CDH23: variants seen among roughly 807,000 people sequenced by gnomAD.
CDH23 encodes the protein cadherin related 23.
A neutral mutation model predicts 317.1 loss-of-function variants in CDH23; 189 were observed. The observed-to-expected ratio is 0.60, with a 90% CI of 0.53 to 0.67. The LOEUF (loss-of-function observed/expected upper bound fraction) is 0.67, where lower values mean the gene tolerates loss of function less well. Ranked by LOEUF, CDH23 falls within the 30% of genes least tolerant of loss-of-function variation. The pLI is 0.00. For missense variants in CDH23, 4,401 were observed against 4,592.4 expected (o/e 0.96, Z 1.20); for synonymous variants, 1,839 against 1,876.8 (o/e 0.98, Z 0.52).
rs1455450564 is a variant in CDH23, at chr10:71,730,495, C to T, written c.3606C>T (p.Asn1202=). The part of the protein sequence containing the change: ...VRVIVYVEDI[N]DEAPVFTQQQ... ...TGATTGTGTACGTGGAGGACATCAACGATGAGGCCCCCGTGTTCACACAGC... is the reference window on the plus strand; with the variant it reads ...TGATTGTGTACGTGGAGGACATCAATGATGAGGCCCCCGTGTTCACACAGC... Residue 1202 remains asparagine, a synonymous_variant, in exon 31 of 70, where the codon AAC becomes AAT. Transcript: ENST00000224721. The T allele has an allele frequency of 5.0e-6, 8 of 1,613,898 alleles. No individual in the cohort carries two copies. Among genetic ancestry groups the T allele is most frequent in the South Asian group, 3.3e-5 (3 of 91,076 alleles).
intron 3 of CDH23, among the ~76,000 whole-genome samples, chr10:71,447,705 CA>C (rs1850239278): frequency 6.6e-6 from 1 of 152,178 alleles, no homozygotes; most frequent in South Asian, 2.1e-4. Context: ...CTCTCATAGG[CA>C]GAGCCCCTTT....
intron 3 of CDH23, among the ~76,000 whole-genome samples, chr10:71,489,594 G>GGA (rs1554830087): frequency 1.4e-5 from 2 of 139,802 alleles, no homozygotes; most frequent in South Asian, 4.8e-4. Context: ...AGTGCCTCGG[G>GGA]GTGTGTGTGT....
intron 11 of CDH23, among the ~76,000 whole-genome samples, chr10:71,638,510 T>C (rs1427990058): frequency 6.6e-6 from 1 of 152,124 alleles, no homozygotes; most frequent in Non-Finnish European, 1.5e-5. Flanking sequence ...AATGCGCCAG[T>C]GCTGAGAGCC....
Position 71,551,161 on chromosome 10 carries a change from G to A in CDH23, c.430-15581G>A, listed in dbSNP as rs918877283. On this transcript the variant is annotated intron_variant, in intron 6 of 69. Coordinates refer to ENST00000224721, the MANE Select transcript of CDH23 (RefSeq NM_022124.6). ...TCACGAGGACTTCCGTCGAAATTCC[G>A]CATTAATTAACGTACCATTAAAACA... 6.6e-5 allele frequency among the ~76,000 whole-genome samples: 10 copies of A among 152,324 alleles called. No homozygotes were observed. In the East Asian group the frequency reaches 1.2e-3, roughly 18 times the overall value.
intron 1 of CDH23, among the ~76,000 whole-genome samples, chr10:71,431,513 C>T (rs1849370443): frequency 6.6e-6 from 1 of 152,260 alleles, no homozygotes. Context: ...GTGTCATCTG[C>T]AGGCGCCTTC....
intron 17 of CDH23, among the ~76,000 whole-genome samples, chr10:71,681,814 G>C (rs1244257603): frequency 6.6e-6 from 1 of 152,212 alleles, no homozygotes; most frequent in Non-Finnish European, 1.5e-5. Context: ...GGAGAAGGGA[G>C]GGAAGAAGAT....
chr10:71,539,652 T>C (rs1855885168), intron 6 of CDH23, among the ~76,000 whole-genome samples: 1 of 152,112 alleles, frequency 6.6e-6, no homozygotes, highest in Non-Finnish European at 1.5e-5. Flanking sequence ...CTATGCATAT[T>C]CAAGCCCTCT....
chr10:71,691,851 C>T (rs1053599357), intron 20 of CDH23, among the ~76,000 whole-genome samples: 7 of 152,216 alleles, frequency 4.6e-5, no homozygotes, highest in Non-Finnish European at 7.3e-5. Context: ...AGTCAGCCTT[C>T]AATCCCTTTT....
At chr10:71,694,296 C>T (rs377538724) in intron 21 of CDH23, 37 bp downstream of exon 21, 60 of 1,520,604 alleles carry the variant, frequency 3.9e-5, no homozygotes, top group East Asian at 2.5e-4. Flanking sequence ...AGCTCCCCCT[C>T]GCCGGCCAGG....
chr10:71,579,708 G>T (rs1473076535), intron 9 of CDH23, among the ~76,000 whole-genome samples: 1 of 152,182 alleles, frequency 6.6e-6, no homozygotes, highest in East Asian at 1.9e-4. Context: ...GGCAGGACCT[G>T]CCTGGGAATC....
At chr10:71,740,997 G>A (rs1251699710) in intron 37 of CDH23, 47 bp downstream of exon 37, 15 of 1,609,918 alleles carry the variant, frequency 9.3e-6, no homozygotes, top group Admixed American at 6.7e-5. Context: ...CGGGGGGACC[G>A]TGGGCACGAG....
chr10:71,721,304 G>A lies in CDH23; in HGVS notation c.3370-2741G>A, dbSNP rs549402039. Reference sequence around the variant, plus strand: ...GGAATGGAGAGAGAAAGAACTGCACGGCAAGGGGCAATCCAGCCATCCCCA... The same window carrying A: ...GGAATGGAGAGAGAAAGAACTGCACAGCAAGGGGCAATCCAGCCATCCCCA... On this transcript the variant is annotated intron_variant, in intron 28 of 69. Transcript: ENST00000224721. 3.5e-4 allele frequency among the ~76,000 whole-genome samples: 53 copies of A among 152,280 alleles called. 1 individual carries two copies. In the South Asian group the frequency reaches 0.01, roughly 29 times the overall value.
chr10:71,558,266 C>G (rs1856967546), intron 6 of CDH23, among the ~76,000 whole-genome samples: 1 of 152,202 alleles, frequency 6.6e-6, no homozygotes, highest in Non-Finnish European at 1.5e-5. Flanking sequence ...TCCCAAAGTG[C>G]TGGGATTACA....
At chr10:71,453,974 A>G (rs1850571589) in intron 3 of CDH23, among the ~76,000 whole-genome samples, 1 of 152,256 alleles carries the variant, frequency 6.6e-6, no homozygotes, top group African/African-American at 2.4e-5. Context: ...ATAAGTGCCC[A>G]GGAGAAATAA....
intron 14 of CDH23, among the ~76,000 whole-genome samples, chr10:71,654,384 A>G (rs1039115255): frequency 1.1e-4 from 16 of 152,168 alleles, no homozygotes; most frequent in Non-Finnish European, 1.9e-4. Context: ...ATCGATCCCT[A>G]CATTCAGTCA....
At chr10:71,424,114 C>T (rs1283480040) in intron 1 of CDH23, among the ~76,000 whole-genome samples, 2 of 152,252 alleles carry the variant, frequency 1.3e-5, no homozygotes, top group African/African-American at 2.4e-5. Flanking sequence ...AAGTGTGCCG[C>T]CTTTGAGTCC....
chr10:71,432,477 GTGTT>G (rs890169390), intron 1 of CDH23, among the ~76,000 whole-genome samples: 8 of 150,860 alleles, frequency 5.3e-5, no homozygotes, highest in Non-Finnish European at 7.4e-5. Context: ...GTGTAGGTGT[GTGTT>G]TGAGAGTGTG....
intron 16 of CDH23, 147 bp downstream of exon 16, chr10:71,677,840 A>C (rs1864440485): frequency 1.5e-6 from 1 of 689,656 alleles, no homozygotes. Context: ...ATCAGAGTTC[A>C]TTGCGGCCCC....
chr10:71,629,497 C>T (rs1861903960), intron 11 of CDH23, among the ~76,000 whole-genome samples: 1 of 152,164 alleles, frequency 6.6e-6, no homozygotes, highest in Non-Finnish European at 1.5e-5. Flanking sequence ...GGACTTGGCT[C>T]TCACAGGAAT....
Sources: allele counts gnomAD v4.1 joint callset (sites outside exome capture counted in the v4.1 genomes callset), GRCh38; gene constraint gnomAD v4.1.1; transcripts MANE v1.5; gene names NCBI Gene and HGNC (gene_info 2026-07-23, HGNC 2026-07-21).